PSD2: variants seen among roughly 807,000 people sequenced by gnomAD.
PSD2 encodes PH and SEC7 domain-containing protein 2.
PSD2 carries 38 observed loss-of-function variants against 69.8 expected under a neutral mutation model. The ratio of observed to expected loss-of-function variants is 0.54; its 90% CI spans 0.42 to 0.71. The LOEUF is 0.71. Among genes scored for constraint, PSD2 ranks in the 30% least tolerant of loss-of-function variants. The pLI is 0.00. For synonymous variants in PSD2, 412 were observed against 423.0 expected, an observed-to-expected ratio of 0.97 and a Z score of 0.32; for missense variants, 943 against 1,014.5, an observed-to-expected ratio of 0.93 and a Z score of 0.96.
intron 13 of PSD2, among the ~76,000 whole-genome samples, chr5:139,838,983 G>A (rs1760807841): frequency 6.6e-6 from 1 of 152,204 alleles, no homozygotes; most frequent in African/African-American, 2.4e-5. Context: ...CACAGCTGTG[G>A]CAGGTGGCAT....
chr5:139,813,315 TG>T lies in PSD2; in HGVS notation c.380del (p.Gly127ValfsTer35). ...GGCTCCTTGCATCCCACAGGTTGGATGGTCCCGGGGAGCCAGATGTGCGGGA... is the reference window on the plus strand; with the variant it reads ...GGCTCCTTGCATCCCACAGGTTGGATGTCCCGGGGAGCCAGATGTGCGGGA... ...DAEDPQLGLD[G>X]PGEPDVRDGF... On this transcript the variant is annotated frameshift_variant, in exon 3 of 15. Transcript: ENST00000274710. LOFTEE classifies it high-confidence loss of function. The T allele has an allele frequency of 6.5e-7, 1 of 1,539,846 alleles. No homozygotes were observed. Among genetic ancestry groups the T allele is most frequent in the Non-Finnish European group, 8.8e-7 (1 of 1,138,608 alleles).
At chr5:139,761,970 C>A in the PSD2 span, among the ~76,000 whole-genome samples, 3 of 152,164 alleles carry the variant, frequency 2.0e-5, no homozygotes, top group Admixed American at 6.5e-5. Flanking sequence ...TCTGAGCCTC[C>A]GTTTCCATAG....
At chr5:139,828,176 C>T (rs1760478936) in intron 7 of PSD2, among the ~76,000 whole-genome samples, 1 of 151,688 alleles carries the variant, frequency 6.6e-6, no homozygotes, top group African/African-American at 2.4e-5. Flanking sequence ...AGACGGAGAC[C>T]AGGAGAGAAA....
chr5:139,813,447 C>A lies in PSD2; in HGVS notation c.510C>A (p.Ser170Arg), dbSNP rs199679832. 1 of 1,614,028 alleles carries A rather than the reference C, an allele frequency of 6.2e-7. No homozygotes were observed. The highest frequency in any genetic ancestry group is 1.1e-5 in the South Asian group (1 of 91,084). Residue 170 changes from serine to arginine, a missense_variant, in exon 3 of 15, where the codon AGC (serine) becomes AGA (arginine). Around this residue, in one of 3 missense-constraint regions of PSD2, gnomAD observed 466 missense variants for 445.0 expected, o/e 1.05. Coordinates refer to ENST00000274710, the MANE Select transcript of PSD2 (RefSeq NM_032289.4). Reference protein sequence around the residue: ...SLDGLSLTDESDSCVSFEAPL... With the variant: ...SLDGLSLTDERDSCVSFEAPL... ...ACGGGCTGAGCCTCACGGATGAGAG[C>A]GACAGCTGCGTCAGCTTCGAGGCCC...
the PSD2 span, among the ~76,000 whole-genome samples, chr5:139,771,441 C>A: frequency 3.3e-5 from 5 of 152,084 alleles, no homozygotes; most frequent in Admixed American, 3.3e-4. Flanking sequence ...TGCAGTGGCA[C>A]AATCTCGGCT....
chr5:139,817,560 A>C lies in PSD2; in HGVS notation c.1096A>C (p.Arg366=). Reference sequence around the variant, plus strand: ...GGGCTTGACTCTGGACGGAGCACTCAGGTCAGTGGGGCTGGGACAGGCAGT... The same window carrying C: ...GGGCTTGACTCTGGACGGAGCACTCCGGTCAGTGGGGCTGGGACAGGCAGT... ...FSGLTLDGAL[R]TFLKAFPLMG... is the part of the protein sequence containing the mutation. The change falls in exon 5 of 15, where the codon AGA becomes CGA. Residue 366 remains arginine, a splice_region_variant and synonymous_variant. Transcript: ENST00000274710. 6.2e-7 allele frequency: 1 copy of C among 1,613,396 alleles called. No homozygotes were observed. Among genetic ancestry groups the C allele is most frequent in the Admixed American group, 1.7e-5 (1 of 60,008 alleles).
At position 139,843,494 on chromosome 5, in the gene PSD2, C is replaced by G. The variant is rs959023223; in HGVS notation, c.*1020C>G. 12 of 152,204 alleles carry G rather than the reference C, an allele frequency of 7.9e-5. No individual in the cohort carries two copies. Among genetic ancestry groups the G allele is most frequent in the Admixed American group, 5.2e-4 (8 of 15,280 alleles). 9.4% of individuals were successfully genotyped at this position (152,204 alleles called of 1,614,324 possible). On this transcript the variant is annotated 3_prime_UTR_variant, in exon 15 of 15. Coordinates refer to ENST00000274710, the MANE Select transcript of PSD2 (RefSeq NM_032289.4). ...GTTGGTGCTGCCAGGTCTCTGAGCT[C>G]CAGAGGTGGCCTCTTGGACAGATCT...
chr5:139,787,642 G>A, the PSD2 span, among the ~76,000 whole-genome samples: 1 of 152,182 alleles, frequency 6.6e-6, no homozygotes, highest in African/African-American at 2.4e-5. Context: ...GTGGCGCCCC[G>A]ACCCCAAAAG....
upstream of PSD2, among the ~76,000 whole-genome samples, chr5:139,794,138 C>T (rs1759467381): frequency 6.6e-6 from 1 of 152,126 alleles, no homozygotes; most frequent in Non-Finnish European, 1.5e-5. Flanking sequence ...CTGGGCTCTG[C>T]GGTAATGTCC....
the PSD2 span, among the ~76,000 whole-genome samples, chr5:139,771,126 C>T: frequency 1.3e-5 from 2 of 152,214 alleles, no homozygotes; most frequent in African/African-American, 4.8e-5. Context: ...TATATTTTAG[C>T]GCCTTTATTA....
chr5:139,751,377 C>T, the PSD2 span, among the ~76,000 whole-genome samples: 5 of 152,252 alleles, frequency 3.3e-5, no homozygotes, highest in East Asian at 9.7e-4. Flanking sequence ...TGTGTGCTGG[C>T]CCTAGGGGCA....
chr5:139,799,178 A>G (rs1376373700), intron 1 of PSD2, among the ~76,000 whole-genome samples: 1 of 152,156 alleles, frequency 6.6e-6, no homozygotes, highest in Admixed American at 6.5e-5. Flanking sequence ...AAGTTAGGTC[A>G]CTTGGCTCAG....
At chr5:139,771,984 C>G in the PSD2 span, among the ~76,000 whole-genome samples, 1 of 152,144 alleles carries the variant, frequency 6.6e-6, no homozygotes, top group Non-Finnish European at 1.5e-5. Flanking sequence ...CTCCCAGCAC[C>G]CTTCCCCAGC....
rs556473103 is a variant in PSD2, at chr5:139,839,271, A to G, written c.1968+499A>G. 1.1e-4 allele frequency among the ~76,000 whole-genome samples: 16 copies of G among 152,264 alleles called. No homozygotes were observed. The highest frequency in any genetic ancestry group is 2.1e-4 in the Non-Finnish European group (14 of 68,050). On this transcript the variant is annotated intron_variant, in intron 13 of 14. Transcript: ENST00000274710. The surrounding 1 kb of genome is among the most constrained non-coding windows in gnomAD (Gnocchi z 5.1). Reference sequence around the variant, plus strand: ...GCCCGGAGCTTGAGAGGTAGAGGGCAGCGGAAGCCCCACACTTCCTCTTTG... The same window carrying G: ...GCCCGGAGCTTGAGAGGTAGAGGGCGGCGGAAGCCCCACACTTCCTCTTTG...
chr5:139,810,039 C>T (rs1759920907), intron 2 of PSD2, among the ~76,000 whole-genome samples: 1 of 151,766 alleles, frequency 6.6e-6, no homozygotes, highest in African/African-American at 2.4e-5. Context: ...TCGTGAGCTG[C>T]TTCTATGTGG....
intron 4 of PSD2, among the ~76,000 whole-genome samples, chr5:139,816,145 G>T (rs1469445229): frequency 6.6e-6 from 1 of 151,418 alleles, no homozygotes; most frequent in Non-Finnish European, 1.5e-5. Context: ...TTTTTCATGT[G>T]CTGGAAGATT....
At chr5:139,810,594 G>T (rs939851569) in intron 2 of PSD2, among the ~76,000 whole-genome samples, 1 of 152,244 alleles carries the variant, frequency 6.6e-6, no homozygotes, top group Non-Finnish European at 1.5e-5. Context: ...GTTGGTGGCT[G>T]TGGGTGGGGG....
chr5:139,794,951 A>G (rs547388382), upstream of PSD2, among the ~76,000 whole-genome samples: 1 of 152,194 alleles, frequency 6.6e-6, no homozygotes, highest in East Asian at 1.9e-4. Flanking sequence ...GGGCGGCTTC[A>G]GGGCCTTGAC....
chr5:139,777,537 T>A, the PSD2 span, among the ~76,000 whole-genome samples: 1 of 152,154 alleles, frequency 6.6e-6, no homozygotes, highest in Admixed American at 6.5e-5. Context: ...GCAAAGAGAA[T>A]AAAATAATTT....
Sources: allele counts gnomAD v4.1 joint callset (sites outside exome capture counted in the v4.1 genomes callset), GRCh38; gene constraint gnomAD v4.1.1; regional missense constraint gnomAD v4.1.1; non-coding constraint Gnocchi (gnomAD v3.1); transcripts MANE v1.5; gene names NCBI Gene and HGNC (gene_info 2026-07-23, HGNC 2026-07-21).